The following ASCL5 variants were observed in gnomAD, a reference collection of about 807,000 sequenced individuals.
The protein encoded by ASCL5 is achaete-scute homolog 5.
For missense variants in ASCL5, 262 were observed against 268.9 expected, an observed-to-expected ratio of 0.97 and a Z score of 0.18; for synonymous variants, 124 against 131.5, an observed-to-expected ratio of 0.94 and a Z score of 0.39.
chr1:201,122,617 C>T (rs192190479), intron 1 of ASCL5, among the ~76,000 whole-genome samples: 27 of 152,208 alleles, frequency 1.8e-4, no homozygotes, highest in African/African-American at 3.9e-4. Context: ...CTTTCTTGGC[C>T]GGGCAGCGGT....
At position 201,115,342 on chromosome 1, in the gene ASCL5, C is replaced by A; in HGVS notation, c.31G>T (p.Asp11Tyr). Residue 11 changes from aspartate (D) to tyrosine (Y), a missense_variant, in exon 2 of 2, where the codon GAC (aspartate) becomes TAC (tyrosine). By Grantham distance (160) the Asp-to-Tyr change is radical. Transcript: ENST00000449188. ...CTGGGGGGCCCCAGAGGCCTCCGGT[C>A]CACCAGAGCCCGGCAGAAGTTATTG... is the stretch of plus-strand genomic sequence containing the variant. Reference protein sequence around the residue: MNNNFCRALVDRRPLGPPSCM... With the variant: MNNNFCRALVYRRPLGPPSCM... 8.1e-7 allele frequency: 1 copy of A among 1,231,394 alleles called. No homozygotes were observed. The highest frequency in any genetic ancestry group is 1.0e-6 in the Non-Finnish European group (1 of 987,752). The allele number at this position is 1,231,394 out of a possible 1,614,324, so 76.3% of individuals were successfully genotyped here.
intron 1 of ASCL5, among the ~76,000 whole-genome samples, chr1:201,123,318 T>A (rs932153014): frequency 6.6e-6 from 1 of 152,224 alleles, no homozygotes; most frequent in Middle Eastern, 3.2e-3. Context: ...CCTGAGCTCC[T>A]TCAAGGAATC....
At chr1:201,118,340 G>T (rs542845665) in intron 1 of ASCL5, among the ~76,000 whole-genome samples, 115 of 152,226 alleles carry the variant, frequency 7.6e-4, no homozygotes, top group Non-Finnish European at 1.4e-3. Flanking sequence ...AATTAGCAGG[G>T]TTTGGTGGCA....
chr1:201,118,425 C>T (rs1295452246), intron 1 of ASCL5, among the ~76,000 whole-genome samples: 2 of 150,030 alleles, frequency 1.3e-5, no homozygotes, highest in African/African-American at 5.0e-5. Flanking sequence ...GCAGATGTTG[C>T]AGTGAGCTGA....
Position 201,114,605 on chromosome 1 carries a change from G to T in ASCL5, c.*147C>A. 1.6e-6 allele frequency: 1 copy of T among 641,084 alleles called. No homozygotes were observed. Among genetic ancestry groups the T allele is most frequent in the Non-Finnish European group, 2.2e-6 (1 of 451,710 alleles). The allele number at this position is 641,084 out of a possible 1,614,324, so 39.7% of individuals were successfully genotyped here. On this transcript the variant is annotated 3_prime_UTR_variant, in exon 2 of 2. Coordinates refer to ENST00000449188, the MANE Select transcript of ASCL5 (RefSeq NM_001270601.2). ...CCGCCCCAAGCTGGTGGAGGAGGGAGGGTGTCGCAGACACGGGAGCGCCGC... is the reference window on the plus strand; with the variant it reads ...CCGCCCCAAGCTGGTGGAGGAGGGATGGTGTCGCAGACACGGGAGCGCCGC...
intron 1 of ASCL5, among the ~76,000 whole-genome samples, chr1:201,125,367 G>A (rs1200173038): frequency 2.6e-5 from 4 of 152,128 alleles, no homozygotes; most frequent in Non-Finnish European, 4.4e-5. Context: ...CAGCTTCAGC[G>A]TGAACATAAC....
chr1:201,117,849 C>T (rs1180056221), intron 1 of ASCL5, among the ~76,000 whole-genome samples: 1 of 152,240 alleles, frequency 6.6e-6, no homozygotes, highest in Admixed American at 6.5e-5. Context: ...TTTTATTTCT[C>T]AGGTAACACC....
At chr1:201,124,648 A>T (rs957756892) in intron 1 of ASCL5, among the ~76,000 whole-genome samples, 1 of 152,262 alleles carries the variant, frequency 6.6e-6, no homozygotes, top group Non-Finnish European at 1.5e-5. Context: ...TAATAGATCC[A>T]GAGAATTCGT....
Position 201,114,469 on chromosome 1 carries a change from C to A in ASCL5, c.*283G>T. 1 of 289,638 alleles carries A rather than the reference C, an allele frequency of 3.5e-6. No individual in the cohort carries two copies. The allele number at this position is 289,638 out of a possible 1,614,324, so 17.9% of individuals were successfully genotyped here. A position where few individuals can be genotyped will look rare whatever the true frequency, so the allele number is the denominator to read the frequency against. ...ATGACCGTCCTGGGGAGCCCCTCTGCACCCCGGAGGGGACGCAGGACGCCC... is the reference window on the plus strand; with the variant it reads ...ATGACCGTCCTGGGGAGCCCCTCTGAACCCCGGAGGGGACGCAGGACGCCC... On this transcript the variant is annotated 3_prime_UTR_variant, in exon 2 of 2. Transcript: ENST00000449188.
Position 201,121,839 on chromosome 1 carries a change from A to T in ASCL5, c.-506+5245T>A, listed in dbSNP as rs945250898. ...CTCAGACCCTGTCTCAAAAAAAAAA[A>T]CCCCAAAACAACAACAAAAACCCAA... On this transcript the variant is annotated intron_variant, in intron 1 of 1. Coordinates refer to ENST00000449188, the MANE Select transcript of ASCL5 (RefSeq NM_001270601.2). 4.0e-5 allele frequency among the ~76,000 whole-genome samples: 6 copies of T among 150,716 alleles called. No individual in the cohort carries two copies. The East Asian group carries it at 1.2e-3, about 29-fold the overall frequency.
intron 1 of ASCL5, among the ~76,000 whole-genome samples, chr1:201,121,944 C>T (rs1412327234): frequency 6.6e-6 from 1 of 152,230 alleles, no homozygotes; most frequent in Non-Finnish European, 1.5e-5. Context: ...TCACCACCCC[C>T]ACCATATACA....
intron 1 of ASCL5, among the ~76,000 whole-genome samples, chr1:201,120,302 G>A (rs969160797): frequency 2.0e-5 from 3 of 152,094 alleles, no homozygotes; most frequent in Admixed American, 1.3e-4. Flanking sequence ...TGTCCCTATT[G>A]CCAGAGGATC....
At chr1:201,126,901 G>A (rs775994654) in intron 1 of ASCL5, among the ~76,000 whole-genome samples, 183 bp downstream of exon 1, 13 of 152,224 alleles carry the variant, frequency 8.5e-5, no homozygotes, top group Non-Finnish European at 1.6e-4. Context: ...GGTGGGTGCC[G>A]TAACCCCAGC....
In ASCL5 at chr1:201,114,671, AC is replaced by A. The variant is rs1663293202; in HGVS notation, c.*80del. ...ACCGTCCTGCGGCGCATCGCGGGTG[AC>A]CCAACAGCCTCCCGCTGCTCCCGAA... On this transcript the variant is annotated 3_prime_UTR_variant, in exon 2 of 2. Transcript: ENST00000449188. The A allele has an allele frequency of 6.0e-6, 7 of 1,172,916 alleles. No homozygotes were observed. The highest frequency in any genetic ancestry group is 7.5e-6 in the Non-Finnish European group (7 of 936,396). 72.7% of individuals were successfully genotyped at this position (1,172,916 alleles called of 1,614,324 possible). A position where few individuals can be genotyped will look rare whatever the true frequency, so the allele number is the denominator to read the frequency against.
In ASCL5 at chr1:201,115,458, G is replaced by T. The variant is rs2102198479; in HGVS notation, c.-86C>A. On this transcript the variant is annotated 5_prime_UTR_variant, in exon 2 of 2. Transcript: ENST00000449188. ...TGCACCGTCTCCACCAGTGGGGCAA[G>T]TCACATCGCTAGCAGCAGCTCTTGG... 2.7e-6 allele frequency: 3 copies of T among 1,117,390 alleles called. No homozygotes were observed. Among genetic ancestry groups the T allele is most frequent in the East Asian group, 6.4e-5 (2 of 31,104 alleles). 69.2% of individuals were successfully genotyped at this position (1,117,390 alleles called of 1,614,324 possible). A position where few individuals can be genotyped will look rare whatever the true frequency, so the allele number is the denominator to read the frequency against.
chr1:201,120,586 C>T (rs998443911), intron 1 of ASCL5, among the ~76,000 whole-genome samples: 3 of 152,188 alleles, frequency 2.0e-5, no homozygotes, highest in Admixed American at 6.5e-5. Context: ...ACACAGTACA[C>T]GCTCAGTTAA....
Position 201,114,130 on chromosome 1 carries a change from C to G in ASCL5, c.*622G>C, listed in dbSNP as rs909576414. ...GGATGCGGGGAGGGAGTAACCCCCC[C>G]TCCCAACCCAGGAAGCCAGAGAACG... On this transcript the variant is annotated 3_prime_UTR_variant, in exon 2 of 2. Transcript: ENST00000449188. 2 of 152,312 alleles carry G rather than the reference C, an allele frequency of 1.3e-5. No individual in the cohort carries two copies. The highest frequency in any genetic ancestry group is 4.8e-5 in the African/African-American group (2 of 41,450). 9.4% of individuals were successfully genotyped at this position (152,312 alleles called of 1,614,324 possible).
intron 1 of ASCL5, among the ~76,000 whole-genome samples, chr1:201,117,720 G>A (rs756168946): frequency 1.3e-5 from 2 of 152,126 alleles, no homozygotes; most frequent in African/African-American, 2.4e-5. Context: ...CATCCTGACT[G>A]CCTGAGCGCT....
rs1457075955 is a variant in ASCL5 at position 201,114,140 on chromosome 1, A to C, written c.*612T>G. On this transcript the variant is annotated 3_prime_UTR_variant, in exon 2 of 2. Coordinates refer to ENST00000449188, the MANE Select transcript of ASCL5 (RefSeq NM_001270601.2). ...AGGGAGTAACCCCCCCTCCCAACCCAGGAAGCCAGAGAACGCCACCGGGGC... is the reference window on the plus strand; with the variant it reads ...AGGGAGTAACCCCCCCTCCCAACCCCGGAAGCCAGAGAACGCCACCGGGGC... The C allele has an allele frequency of 6.7e-6, 1 of 148,200 alleles. No individual in the cohort carries two copies. Among genetic ancestry groups the C allele is most frequent in the Non-Finnish European group, 1.5e-5 (1 of 66,972 alleles). 9.2% of individuals were successfully genotyped at this position (148,200 alleles called of 1,614,324 possible). A position where few individuals can be genotyped will look rare whatever the true frequency, so the allele number is the denominator to read the frequency against.
Sources: gnomAD v4.1 joint callset for allele counts (sites outside exome capture counted in the v4.1 genomes callset) on GRCh38, gnomAD v4.1.1 for gene constraint, MANE v1.5 for transcripts, NCBI Gene and HGNC (gene_info 2026-07-23, HGNC 2026-07-21) for gene names.